CDH12: variants seen among roughly 807,000 people sequenced by gnomAD.
CDH12 encodes the protein cadherin-12.
In CDH12, 41 loss-of-function variants were observed where a neutral mutation model predicts 74.1. The ratio of observed to expected loss-of-function variants is 0.55; its 90% confidence interval spans 0.43 to 0.72. The LOEUF is 0.72. Ranked by LOEUF, CDH12 falls within the 30% of genes least tolerant of loss-of-function variation. The pLI, the probability that CDH12 is intolerant of heterozygous loss-of-function variation, is 0.00. For missense variants in CDH12, 945 were observed against 977.2 expected (o/e 0.97, Z 0.44); for synonymous variants, 399 against 355.0 (o/e 1.12, Z -1.39).
intron 3 of CDH12, among the ~76,000 whole-genome samples, chr5:22,383,811 C>G (rs1741876058): frequency 6.6e-6 from 1 of 152,132 alleles, no homozygotes; most frequent in African/African-American, 2.4e-5. Context: ...TAGCAGAAAT[C>G]ATTCACATTT....
chr5:21,881,825 A>G (rs1752369603), intron 6 of CDH12, among the ~76,000 whole-genome samples: 3 of 152,206 alleles, frequency 2.0e-5, no homozygotes. Flanking sequence ...TCAGATATGC[A>G]TAATATGTTT....
At chr5:22,341,112 C>G (rs1739828110) in intron 3 of CDH12, among the ~76,000 whole-genome samples, 1 of 152,138 alleles carries the variant, frequency 6.6e-6, no homozygotes, top group South Asian at 2.1e-4. Context: ...TGTAAATTCT[C>G]CTATTTTAAG....
At chr5:22,366,145 G>A (rs954969998) in intron 3 of CDH12, among the ~76,000 whole-genome samples, 2 of 152,012 alleles carry the variant, frequency 1.3e-5, no homozygotes, top group African/African-American at 4.8e-5. Flanking sequence ...TTTTAGTAGA[G>A]ATGGGTTTTC....
chr5:22,509,430 T>C (rs552216107), intron 1 of CDH12, among the ~76,000 whole-genome samples: 1 of 152,312 alleles, frequency 6.6e-6, no homozygotes, highest in African/African-American at 2.4e-5. Flanking sequence ...ACTGGTACAG[T>C]ACACCTTTCA....
chr5:22,352,901 TG>T (rs1233867442), intron 3 of CDH12, among the ~76,000 whole-genome samples: 1 of 152,198 alleles, frequency 6.6e-6, no homozygotes, highest in African/African-American at 2.4e-5. Context: ...TAGATCAAGG[TG>T]TGCTGTGATT....
chr5:22,257,125 G>A (rs1237020819), intron 3 of CDH12, among the ~76,000 whole-genome samples: 1 of 152,108 alleles, frequency 6.6e-6, no homozygotes, highest in African/African-American at 2.4e-5. Flanking sequence ...TAAATGATGA[G>A]AATACATGGA....
At chr5:22,683,967 C>T (rs1001534700) in intron 1 of CDH12, among the ~76,000 whole-genome samples, 55 of 152,084 alleles carry the variant, frequency 3.6e-4, no homozygotes, top group Admixed American at 3.3e-3. Flanking sequence ...TCTTTGTTAA[C>T]GTAAAGTCAA....
intron 1 of CDH12, among the ~76,000 whole-genome samples, chr5:22,516,489 A>C (rs1458167866): frequency 6.6e-6 from 1 of 152,182 alleles, no homozygotes; most frequent in African/African-American, 2.4e-5. Flanking sequence ...AATAATAAAC[A>C]CACAATATAA....
intron 1 of CDH12, among the ~76,000 whole-genome samples, chr5:22,632,365 ATAAAT>A (rs1376327027): frequency 2.0e-5 from 3 of 152,194 alleles, no homozygotes; most frequent in Non-Finnish European, 2.9e-5. Flanking sequence ...ATAAATACAA[ATAAAT>A]TAAGTAATTA....
chr5:22,216,143 T>C (rs1404817689), intron 3 of CDH12, among the ~76,000 whole-genome samples: 2 of 152,090 alleles, frequency 1.3e-5, no homozygotes, highest in Non-Finnish European at 2.9e-5. Flanking sequence ...CTGAGTCATC[T>C]TGTTGTCAAA....
chr5:22,056,838 G>C (rs1740775170), intron 5 of CDH12, among the ~76,000 whole-genome samples: 1 of 152,254 alleles, frequency 6.6e-6, no homozygotes, highest in East Asian at 1.9e-4. Flanking sequence ...CTTTACAGAT[G>C]AGGATATTGA....
chr5:21,933,491 G>A (rs2045345145), intron 6 of CDH12, among the ~76,000 whole-genome samples: 1 of 152,022 alleles, frequency 6.6e-6, no homozygotes. Context: ...TATTAACTTG[G>A]GCATATCAAG....
chr5:21,820,940 C>A (rs943201439), intron 8 of CDH12, among the ~76,000 whole-genome samples: 1 of 151,914 alleles, frequency 6.6e-6, no homozygotes, highest in East Asian at 1.9e-4. Context: ...AGATTGTCCA[C>A]AGTCAATAAA....
chr5:22,646,235 C>T (rs1333960509), intron 1 of CDH12, among the ~76,000 whole-genome samples: 1 of 151,580 alleles, frequency 6.6e-6, no homozygotes, highest in Non-Finnish European at 1.5e-5. Context: ...AATTAAGGAC[C>T]CCTCCTTCTT....
rs377031715 is a variant in CDH12, at chr5:22,074,824, T to C, written c.231+3622A>G. On this transcript the variant is annotated intron_variant, in intron 5 of 14. Coordinates refer to ENST00000382254, the MANE Select transcript of CDH12 (RefSeq NM_004061.5). The stretch of plus-strand genomic sequence containing the variant: ...GTCAGGAAACAACAGGTGCTAGAGA[T>C]GATGTGGAGAAATAGGAACACTTTT... Among the ~76,000 whole-genome samples the C allele has an allele frequency of 2.0e-4, 30 of 151,818 alleles. No individual in the cohort carries two copies. In the East Asian group the frequency reaches 2.5e-3, roughly 13 times the overall value.
chr5:22,649,635 TAAAC>T (rs1463798973), intron 1 of CDH12, among the ~76,000 whole-genome samples: 4 of 152,020 alleles, frequency 2.6e-5, no homozygotes, highest in East Asian at 1.9e-4. Context: ...CGAGCTTTCT[TAAAC>T]AAACAAAAAT....
chr5:22,020,118 T>C (rs1408557611), intron 5 of CDH12, among the ~76,000 whole-genome samples: 3 of 152,172 alleles, frequency 2.0e-5, no homozygotes, highest in African/African-American at 7.2e-5. Flanking sequence ...GGTTTAAGAA[T>C]AATGATGCTA....
chr5:22,681,739 T>A (rs1003523213), intron 1 of CDH12, among the ~76,000 whole-genome samples: 3 of 152,114 alleles, frequency 2.0e-5, no homozygotes, highest in Non-Finnish European at 2.9e-5. Flanking sequence ...AACATTGTGA[T>A]TGTTTCAAAT....
intron 1 of CDH12, among the ~76,000 whole-genome samples, chr5:22,551,885 A>G (rs1348217231): frequency 6.6e-6 from 1 of 152,366 alleles, no homozygotes; most frequent in East Asian, 1.9e-4. Flanking sequence ...AATTATAGAC[A>G]TGATGGTTTT....
Sources: allele counts gnomAD v4.1 joint callset (sites outside exome capture counted in the v4.1 genomes callset), GRCh38; gene constraint gnomAD v4.1.1; transcripts MANE v1.5; gene names NCBI Gene and HGNC (gene_info 2026-07-23, HGNC 2026-07-21).